THAP8: variants seen among roughly 807,000 people sequenced by gnomAD.
THAP8 encodes the protein THAP domain containing 8.
In THAP8, 24 loss-of-function variants were observed where a neutral mutation model predicts 25.0. The ratio of observed to expected loss-of-function variants is 0.96; its 90% CI spans 0.69 to 1.35. The LOEUF (loss-of-function observed/expected upper bound fraction) is 1.35. Ranked by LOEUF, THAP8 falls within the 40% of genes most tolerant of loss-of-function variation. The pLI, the probability that THAP8 is intolerant of heterozygous loss-of-function variation, is 0.00. For synonymous variants in THAP8, 169 were observed against 157.6 expected (o/e 1.07, Z -0.54); for missense variants, 399 against 368.8 (o/e 1.08, Z -0.67).
At chr19:36,038,833 A>G (rs909904489) in intron 3 of THAP8, among the ~76,000 whole-genome samples, 2 of 151,084 alleles carry the variant, frequency 1.3e-5, no homozygotes, top group Non-Finnish European at 2.9e-5. Context: ...CCTGGGCAAC[A>G]GAGCGAGACT....
At chr19:36,037,339 C>G (rs1761609281) in intron 3 of THAP8, among the ~76,000 whole-genome samples, 1 of 135,392 alleles carries the variant, frequency 7.4e-6, no homozygotes, top group African/African-American at 2.9e-5. Flanking sequence ...TCAAATTCCT[C>G]CCCTACACAC....
At position 36,040,136 on chromosome 19, in the gene THAP8, C is replaced by A. The variant is rs760725270; in HGVS notation, c.84G>T (p.Lys28Asn). ...GCCGGGGACCATCCTTCAGTGGGAA[C>A]CTGCATGGGTGGTTGGGGGGCTGGG... is the stretch of plus-strand genomic sequence containing the variant. ...GADNRPVSFY[K>N]FPLKDGPRLQ... The change falls in exon 2 of 4, where the codon AAG (lysine) becomes AAT (asparagine). Residue 28 changes from lysine to asparagine, a missense_variant and splice_region_variant. By Grantham distance (94) the Lys-to-Asn change is moderately conservative. Coordinates refer to ENST00000292894, the MANE Select transcript of THAP8 (RefSeq NM_152658.3). 109 of 1,601,024 alleles carry A rather than the reference C, an allele frequency of 6.8e-5. No individual in the cohort carries two copies. Among genetic ancestry groups the A allele is most frequent in the Middle Eastern group, 3.3e-4 (2 of 6,038 alleles).
chr19:36,035,107 G>T lies in THAP8; in HGVS notation c.*333C>A, dbSNP rs1396387684. 4.3e-6 allele frequency: 1 copy of T among 235,036 alleles called. No homozygotes were observed. Among genetic ancestry groups the T allele is most frequent in the Non-Finnish European group, 8.3e-6 (1 of 120,854 alleles). 14.6% of individuals were successfully genotyped at this position (235,036 alleles called of 1,614,324 possible). A position where few individuals can be genotyped will look rare whatever the true frequency, so the allele number is the denominator to read the frequency against. ...CATGGTATCATGAACTCAGTACCAG[G>T]CTTGGCAAAAAGCGTGGGACTCCTT... is the stretch of plus-strand genomic sequence containing the variant. On this transcript the variant is annotated 3_prime_UTR_variant, in exon 4 of 4. Transcript: ENST00000292894.
Position 36,035,210 on chromosome 19 carries a change from G to A in THAP8, c.*230C>T, listed in dbSNP as rs1000309337. The A allele has an allele frequency of 2.0e-6, 1 of 505,320 alleles. No homozygotes were observed. Among genetic ancestry groups the A allele is most frequent in the African/African-American group, 1.9e-5 (1 of 52,338 alleles). 31.3% of individuals were successfully genotyped at this position (505,320 alleles called of 1,614,324 possible). A position where few individuals can be genotyped will look rare whatever the true frequency, so the allele number is the denominator to read the frequency against. ...TACTGATTTGCAAAGATCTGAGCCG[G>A]GGGTGGCAGAAGCCTGGTACCCAGG... On this transcript the variant is annotated 3_prime_UTR_variant, in exon 4 of 4. Coordinates refer to ENST00000292894, the MANE Select transcript of THAP8 (RefSeq NM_152658.3).
At chr19:36,046,029 C>T in intron 1 of THAP8, 8 of 377,900 alleles carry the variant, frequency 2.1e-5, no homozygotes, top group South Asian at 1.6e-4. Context: ...TATAAAGAAA[C>T]TATGGTAATG....
chr19:36,049,278 C>A (rs12977814), intron 1 of THAP8, among the ~76,000 whole-genome samples: 42,210 of 151,842 alleles, frequency 0.28, 6,200 homozygotes, highest in Non-Finnish European at 0.33. Context: ...GATGGGAGGA[C>A]TGCTTGAGCC....
intron 1 of THAP8, among the ~76,000 whole-genome samples, chr19:36,043,382 T>C (rs1367051994): frequency 1.3e-5 from 2 of 152,188 alleles, no homozygotes; most frequent in African/African-American, 4.8e-5. Flanking sequence ...GGAATGGTGG[T>C]TGCCAAGAGC....
rs1453141919 is a variant in THAP8 at position 36,039,625 on chromosome 19, C to T, written c.370G>A (p.Val124Ile). The part of the protein sequence containing the change: ...TPLPQSPAIP[V>I]SGPVRLVVLG... ...ACCACTAGGCGCACTGGGCCAGAGA[C>T]TGGGATGGCAGGGCTCTGGGGCAGG... The change falls in exon 3 of 4, where the codon GTC becomes ATC. Residue 124 changes from valine (V) to isoleucine (I), a missense_variant. Physicochemically the swap from Val to Ile is conservative, Grantham distance 29. Transcript: ENST00000292894. The T allele has an allele frequency of 6.6e-7, 1 of 1,508,410 alleles. No individual in the cohort carries two copies. The highest frequency in any genetic ancestry group is 2.3e-5 in the Admixed American group (1 of 43,704). The allele number at this position is 1,508,410 out of a possible 1,614,324, so 93.4% of individuals were successfully genotyped here. A position where few individuals can be genotyped will look rare whatever the true frequency, so the allele number is the denominator to read the frequency against.
intron 1 of THAP8, among the ~76,000 whole-genome samples, chr19:36,049,442 C>T (rs1264819181): frequency 6.6e-6 from 1 of 152,052 alleles, no homozygotes; most frequent in Non-Finnish European, 1.5e-5. Context: ...TTCCTGGCAG[C>T]CACTTCCCTC....
chr19:36,040,275 G>T (rs1374954235), intron 1 of THAP8, 139 bp from the exon 2 acceptor site: 1 of 829,912 alleles, frequency 1.2e-6, no homozygotes. Flanking sequence ...TTGTGCCCAG[G>T]CTTTCTCTAT....
intron 1 of THAP8, among the ~76,000 whole-genome samples, chr19:36,053,927 T>A (rs1970182152): frequency 6.6e-6 from 1 of 152,150 alleles, no homozygotes; most frequent in Admixed American, 6.5e-5. Context: ...TCGCTCGCTA[T>A]CTGTAGTCAA....
chr19:36,037,342 C>A (rs1471236974), intron 3 of THAP8, among the ~76,000 whole-genome samples: 1 of 98,440 alleles, frequency 1.0e-5, no homozygotes, highest in Non-Finnish European at 1.9e-5. Flanking sequence ...AATTCCTCCC[C>A]TACACACACA....
intron 1 of THAP8, among the ~76,000 whole-genome samples, chr19:36,040,980 G>A (rs1435999831): frequency 6.6e-6 from 1 of 151,990 alleles, no homozygotes; most frequent in African/African-American, 2.4e-5. Flanking sequence ...TAAGACAATT[G>A]GGGAAAACTG....
intron 1 of THAP8, 43 bp downstream of exon 1, chr19:36,054,092 C>A (rs1261271959): frequency 1.9e-6 from 3 of 1,593,222 alleles, no homozygotes; most frequent in Non-Finnish European, 2.6e-6. Context: ...CCACCCCTCT[C>A]AGGGTCCCGC....
Position 36,040,090 on chromosome 19 carries a change from T to C in THAP8, c.130A>G (p.Met44Val). ...CTGGGCACCCAGTGCTCACAGCCCA[T>C]GTGCTGCAGCCAGGCCTGCAGCCGG... ...GPRLQAWLQH[M>V]GCEHWVPSCH... The change falls in exon 2 of 4, where the codon ATG (methionine) becomes GTG (valine). Residue 44 changes from methionine to valine, a missense_variant. Transcript: ENST00000292894. 1.2e-6 allele frequency: 2 copies of C among 1,613,002 alleles called. No homozygotes were observed. The highest frequency in any genetic ancestry group is 1.7e-6 in the Non-Finnish European group (2 of 1,179,448).
chr19:36,050,988 A>C (rs1474659418), intron 1 of THAP8, among the ~76,000 whole-genome samples: 2 of 152,216 alleles, frequency 1.3e-5, no homozygotes, highest in Non-Finnish European at 2.9e-5. Flanking sequence ...AAGAAAGACA[A>C]AGAAAGACAA....
chr19:36,039,854 G>A (rs1016320167), intron 2 of THAP8, 90 bp downstream of exon 2: 3 of 1,587,024 alleles, frequency 1.9e-6, no homozygotes, highest in East Asian at 4.5e-5. Flanking sequence ...GTCAGGAGGG[G>A]AGGGCCAAAG....
At chr19:36,038,780 G>A (rs1026299002) in intron 3 of THAP8, among the ~76,000 whole-genome samples, 1 of 151,946 alleles carries the variant, frequency 6.6e-6, no homozygotes, top group Admixed American at 6.6e-5. Flanking sequence ...GAACCTGGGA[G>A]GCAGAGGCTG....
intron 1 of THAP8, among the ~76,000 whole-genome samples, chr19:36,046,825 CTA>C (rs1969895968): frequency 6.6e-6 from 1 of 152,216 alleles, no homozygotes; most frequent in Non-Finnish European, 1.5e-5. Context: ...TGCTAAAAGA[CTA>C]TGTTTCCCAG....
Sources: allele counts gnomAD v4.1 joint callset (sites outside exome capture counted in the v4.1 genomes callset), GRCh38; gene constraint gnomAD v4.1.1; transcripts MANE v1.5; gene names NCBI Gene and HGNC (gene_info 2026-07-23, HGNC 2026-07-21).